The following ACER3 variants were observed in gnomAD, a reference collection of about 807,000 sequenced individuals.
The protein encoded by ACER3 is alkaline ceramidase 3, also known as alkCDase 3.
In ACER3, 16 loss-of-function variants were observed where a neutral mutation model predicts 48.9. The ratio of observed to expected loss-of-function variants is 0.33; its 90% CI spans 0.22 to 0.50. The LOEUF (loss-of-function observed/expected upper bound fraction) is 0.50, where lower values mean the gene tolerates loss of function less well. Ranked by LOEUF, ACER3 falls within the 20% of genes least tolerant of loss-of-function variation. ACER3 has a pLI of 0.98. For synonymous variants in ACER3, 109 were observed against 107.8 expected, an observed-to-expected ratio of 1.01 and a Z score of -0.07; for missense variants, 227 against 326.0, an observed-to-expected ratio of 0.70 and a Z score of 2.34.
At chr11:76,992,766 A>G (rs1948829217) in intron 6 of ACER3, among the ~76,000 whole-genome samples, 1 of 152,232 alleles carries the variant, frequency 6.6e-6, no homozygotes, top group South Asian at 2.1e-4. Flanking sequence ...CATACAGTCA[A>G]GCAGACCTGG....
chr11:77,011,489 A>G lies in ACER3; in HGVS notation c.498-3527A>G, dbSNP rs887448740. 2.5e-5 allele frequency: 15 copies of G among 591,326 alleles called. No homozygotes were observed. In the South Asian group the frequency reaches 3.0e-4, roughly 12 times the overall value. The allele number at this position is 591,326 out of a possible 1,614,324, so 36.6% of individuals were successfully genotyped here. On this transcript the variant is annotated intron_variant, in intron 7 of 10. Coordinates refer to ENST00000532485, the MANE Select transcript of ACER3 (RefSeq NM_018367.7). ...AGAAGCCTTCACTGTGTTGAGGCCT[A>G]TGTTTCTTGGGACTCATTCTTGCCT...
In ACER3 at chr11:77,022,929, A is replaced by G. The variant is rs544962413; in HGVS notation, c.*2602A>G. 1.0e-5 allele frequency: 4 copies of G among 388,518 alleles called. No individual in the cohort carries two copies. Among genetic ancestry groups the G allele is most frequent in the African/African-American group, 4.1e-5 (2 of 48,524 alleles). 24.1% of individuals were successfully genotyped at this position (388,518 alleles called of 1,614,324 possible). ...AAAATATAAGGATGTAAAAGAAGCA[A>G]TTTGCTTGCACATCTGAATATCCTT... On this transcript the variant is annotated 3_prime_UTR_variant, in exon 11 of 11. Coordinates refer to ENST00000532485, the MANE Select transcript of ACER3 (RefSeq NM_018367.7).
rs1319743111 is a variant in ACER3, at chr11:77,026,405, A to G, written c.*6078A>G. ...TTCTAAGATATAGGGGCCATTATCT[A>G]TTTTTGCTTAATGGACTCATGTGGC... On this transcript the variant is annotated 3_prime_UTR_variant, in exon 11 of 11. Transcript: ENST00000532485. 7.9e-5 allele frequency: 12 copies of G among 152,132 alleles called. No individual in the cohort carries two copies. Among genetic ancestry groups the G allele is most frequent in the Non-Finnish European group, 1.5e-4 (10 of 68,022 alleles). 9.4% of individuals were successfully genotyped at this position (152,132 alleles called of 1,614,324 possible). A position where few individuals can be genotyped will look rare whatever the true frequency, so the allele number is the denominator to read the frequency against.
chr11:77,015,402 C>T, intron 8 of ACER3: 1 of 248,928 alleles, frequency 4.0e-6, no homozygotes, highest in South Asian at 8.3e-5. Flanking sequence ...TCCTTTGAAA[C>T]ATGCCTGATC....
At chr11:76,868,412 T>TGTGA in intron 1 of ACER3, 1 of 563,146 alleles carries the variant, frequency 1.8e-6, no homozygotes, top group Non-Finnish European at 2.7e-6. Flanking sequence ...TGTGTGTGTG[T>TGTGA]GTGTGTGTGT....
At chr11:76,926,741 G>A (rs4457775) in intron 2 of ACER3, 74 bp downstream of exon 2, 648,769 of 1,004,698 alleles carry the variant, frequency 0.65, 217,855 homozygotes, top group Non-Finnish European at 0.7. Flanking sequence ...TTCTAAAAGC[G>A]GTTTTCAATT....
chr11:76,872,074 A>G (rs1442497687), intron 1 of ACER3, among the ~76,000 whole-genome samples: 3 of 98,302 alleles, frequency 3.1e-5, no homozygotes, highest in African/African-American at 8.0e-5. Flanking sequence ...AAACCCTGGC[A>G]TAGGCTGAAC....
intron 1 of ACER3, among the ~76,000 whole-genome samples, chr11:76,885,592 C>T (rs1307162846): frequency 6.6e-6 from 1 of 152,006 alleles, no homozygotes; most frequent in Non-Finnish European, 1.5e-5. Flanking sequence ...TTCCTTCCTG[C>T]AGGAAGGAAC....
At chr11:76,918,651 T>C (rs1457093883) in intron 1 of ACER3, among the ~76,000 whole-genome samples, 1 of 152,142 alleles carries the variant, frequency 6.6e-6, no homozygotes, top group Non-Finnish European at 1.5e-5. Flanking sequence ...TATAATATTC[T>C]ATGGATCTTT....
intron 2 of ACER3, among the ~76,000 whole-genome samples, chr11:76,934,759 C>CGGGAGAGGGAGACCGTGGGGAGAT: frequency 8.5e-6 from 1 of 117,050 alleles, no homozygotes; most frequent in South Asian, 2.7e-4. Flanking sequence ...CGTGGGGAGA[C>CGGGAGAGGGAGACCGTGGGGAGAT]GGAGAGGGAG....
chr11:76,909,409 C>T (rs572808404), intron 1 of ACER3, among the ~76,000 whole-genome samples: 46 of 152,094 alleles, frequency 3.0e-4, no homozygotes, highest in African/African-American at 1.1e-3. Flanking sequence ...CTACAAGGAA[C>T]TTAAACAAAT....
intron 4 of ACER3, 81 bp downstream of exon 4, chr11:76,976,422 T>G: frequency 3.3e-5 from 24 of 723,368 alleles, no homozygotes; most frequent in Non-Finnish European, 5.2e-5. Flanking sequence ...AACTGATACA[T>G]TTATATTACT....
intron 4 of ACER3, among the ~76,000 whole-genome samples, chr11:76,982,261 C>A (rs1044738978): frequency 6.7e-6 from 1 of 149,036 alleles, no homozygotes; most frequent in Non-Finnish European, 1.5e-5. Context: ...TCTGTCGCCA[C>A]TCTGGAGTGC....
rs999832558 is a variant in ACER3 at position 76,958,857 on chromosome 11, A to G, written c.215-122A>G. On this transcript the variant is annotated intron_variant, in intron 2 of 10. Coordinates refer to ENST00000532485, the MANE Select transcript of ACER3 (RefSeq NM_018367.7). ...ACTCAAGAGTCAGCTATATCTTGCC[A>G]CTAGATTTTATAAACTTCATTATCC... is the stretch of plus-strand genomic sequence containing the variant. 7.3e-6 allele frequency: 8 copies of G among 1,092,028 alleles called. No homozygotes were observed. The African/African-American group carries it at 1.1e-4, about 15-fold the overall frequency. The allele number at this position is 1,092,028 out of a possible 1,614,324, so 67.6% of individuals were successfully genotyped here.
At chr11:76,985,595 T>G in intron 4 of ACER3, 48 bp from the exon 5 acceptor site, 1 of 1,187,626 alleles carries the variant, frequency 8.4e-7, no homozygotes. Context: ...CTATTTATGT[T>G]CCTACTTATA....
intron 1 of ACER3, among the ~76,000 whole-genome samples, chr11:76,871,001 G>A (rs191872157): frequency 5.7e-4 from 87 of 152,178 alleles, no homozygotes; most frequent in African/African-American, 2.0e-3. Flanking sequence ...TCCTTACAAC[G>A]ACTCTTAACT....
At chr11:77,019,097 T>C (rs1257901491) in intron 9 of ACER3, among the ~76,000 whole-genome samples, 2 of 152,222 alleles carry the variant, frequency 1.3e-5, no homozygotes, top group Non-Finnish European at 2.9e-5. Flanking sequence ...TTGGAGTTAA[T>C]GTAGCTGATG....
rs1291714853 is a variant in ACER3, at chr11:77,021,664, T to C, written c.*1337T>C. ...TACCACATGATGACGTGACTCAGGA[T>C]TAAATCCTGAGCTACAGTTTCAAAA... On this transcript the variant is annotated 3_prime_UTR_variant, in exon 11 of 11. Transcript: ENST00000532485. 1 of 152,204 alleles carries C rather than the reference T, an allele frequency of 6.6e-6. No individual in the cohort carries two copies. The highest frequency in any genetic ancestry group is 1.5e-5 in the Non-Finnish European group (1 of 68,036). 9.4% of individuals were successfully genotyped at this position (152,204 alleles called of 1,614,324 possible). A position where few individuals can be genotyped will look rare whatever the true frequency, so the allele number is the denominator to read the frequency against.
chr11:76,914,427 C>A (rs1946468465), intron 1 of ACER3, among the ~76,000 whole-genome samples: 1 of 151,992 alleles, frequency 6.6e-6, no homozygotes, highest in African/African-American at 2.4e-5. Flanking sequence ...TTATGCAGCC[C>A]AAAAACACAT....
Sources: allele counts gnomAD v4.1 joint callset (sites outside exome capture counted in the v4.1 genomes callset), GRCh38; gene constraint gnomAD v4.1.1; transcripts MANE v1.5; gene names NCBI Gene and HGNC (gene_info 2026-07-23, HGNC 2026-07-21).